NAPEPLD: variants seen among roughly 807,000 people sequenced by gnomAD.
NAPEPLD encodes the protein N-acyl phosphatidylethanolamine phospholipase D.
A neutral mutation model predicts 38.1 loss-of-function variants in NAPEPLD; 23 were observed. The observed-to-expected ratio is 0.60, with a 90% confidence interval of 0.43 to 0.86. NAPEPLD has a LOEUF of 0.86. Ranked by LOEUF, NAPEPLD falls within the 40% of genes least tolerant of loss-of-function variation. NAPEPLD has a pLI of 0.00. For synonymous variants in NAPEPLD, 147 were observed against 162.0 expected (o/e 0.91, Z 0.71); for missense variants, 411 against 476.8 (o/e 0.86, Z 1.28).
chr7:103,140,292 G>A (rs1464232332), intron 1 of NAPEPLD, among the ~76,000 whole-genome samples: 1 of 151,752 alleles, frequency 6.6e-6, no homozygotes, highest in South Asian at 2.1e-4. Context: ...GAAGCTGAGG[G>A]AAATGGTATG....
Position 103,120,024 on chromosome 7 carries a change from A to T in NAPEPLD, c.494T>A (p.Phe165Tyr). ...ACTTATTGTGCACGGGGAACGACGA[A>T]ATCGCTTTGGACCCATGTACTGCGA... ...SPSQYMGPKRFRRSPCTISEL... is the reference protein window; with the variant it reads ...SPSQYMGPKRYRRSPCTISEL... The change falls in exon 3 of 5, where the codon TTT becomes TAT. Residue 165 changes from phenylalanine to tyrosine, a missense_variant. Physicochemically the swap from Phe to Tyr is conservative, Grantham distance 22. Transcript: ENST00000465647. 1 of 1,614,226 alleles carries T rather than the reference A, an allele frequency of 6.2e-7. No homozygotes were observed.
chr7:103,141,372 T>C, intron 1 of NAPEPLD: 1 of 781,770 alleles, frequency 1.3e-6, no homozygotes, highest in South Asian at 1.3e-5. Flanking sequence ...TCTTCCTCCT[T>C]GGACAAAGTC....
intron 4 of NAPEPLD, among the ~76,000 whole-genome samples, chr7:103,105,937 A>C (rs76961823): frequency 6.7e-6 from 1 of 149,826 alleles, no homozygotes; most frequent in Admixed American, 6.6e-5. Context: ...CGTCTCAAAA[A>C]AAAAAAAAAA....
At chr7:103,132,793 A>C (rs1472855222) in intron 1 of NAPEPLD, among the ~76,000 whole-genome samples, 2 of 152,064 alleles carry the variant, frequency 1.3e-5, no homozygotes, top group East Asian at 3.9e-4. Flanking sequence ...TCAAAGAAAG[A>C]AAGAAAGAAA....
upstream of NAPEPLD, chr7:103,149,307 GCCGCCTCAGTT>G (rs1813261448): frequency 1.9e-6 from 2 of 1,080,788 alleles, no homozygotes; most frequent in East Asian, 1.1e-4. Context: ...GGGAGCGCGC[GCCGCCTCAGTT>G]CCGCGGCTTC....
At chr7:103,118,953 A>G (rs1337869782) in intron 3 of NAPEPLD, among the ~76,000 whole-genome samples, 1 of 152,224 alleles carries the variant, frequency 6.6e-6, no homozygotes, top group Non-Finnish European at 1.5e-5. Context: ...TAAAACCCTC[A>G]CCAGGGACTA....
chr7:103,101,321 A>C lies in NAPEPLD; in HGVS notation c.*2108T>G, dbSNP rs1206671803. The C allele has an allele frequency of 6.6e-6, 1 of 152,160 alleles. No individual in the cohort carries two copies. Among genetic ancestry groups the C allele is most frequent in the African/African-American group, 2.4e-5 (1 of 41,422 alleles). 9.4% of individuals were successfully genotyped at this position (152,160 alleles called of 1,614,324 possible). On this transcript the variant is annotated 3_prime_UTR_variant, in exon 5 of 5. Coordinates refer to ENST00000465647, the MANE Select transcript of NAPEPLD (RefSeq NM_001122838.3). ...CCCAAAATCACATATGTTCGCATAC[A>C]TCATATACACACACATTGCATACAC... is the stretch of plus-strand genomic sequence containing the variant.
chr7:103,113,945 C>T (rs1455680310), intron 4 of NAPEPLD, among the ~76,000 whole-genome samples: 1 of 149,702 alleles, frequency 6.7e-6, no homozygotes, highest in Non-Finnish European at 1.5e-5. Context: ...TTTGCCCAGG[C>T]TGGAGTATAG....
At chr7:103,122,271 G>A (rs28439727) in intron 2 of NAPEPLD, among the ~76,000 whole-genome samples, 4,095 of 151,920 alleles carry the variant, frequency 0.027, 205 homozygotes, top group African/African-American at 0.093. Flanking sequence ...ACACACACAC[G>A]TACACATGCA....
In NAPEPLD at chr7:103,103,325, C is replaced by A; in HGVS notation, c.*104G>T. On this transcript the variant is annotated 3_prime_UTR_variant, in exon 5 of 5. Transcript: ENST00000465647. ...AAACATAAACTTGCAGAAGTTGTTT[C>A]CAAATGTAAAATAATCACAATATTC... The A allele has an allele frequency of 7.5e-7, 1 of 1,341,184 alleles. No homozygotes were observed. Among genetic ancestry groups the A allele is most frequent in the South Asian group, 1.6e-5 (1 of 63,072 alleles). 83.1% of individuals were successfully genotyped at this position (1,341,184 alleles called of 1,614,324 possible).
chr7:103,104,105 C>G (rs1197037849), intron 4 of NAPEPLD, among the ~76,000 whole-genome samples: 2 of 152,026 alleles, frequency 1.3e-5, no homozygotes, highest in Admixed American at 1.3e-4. Context: ...AAAGAGGAGT[C>G]AAGATTTTGC....
intron 3 of NAPEPLD, 126 bp from the exon 4 acceptor site, chr7:103,115,300 T>G (rs909530915): frequency 9.1e-6 from 6 of 656,662 alleles, no homozygotes; most frequent in African/African-American, 7.4e-5. Context: ...TAAGAACCAC[T>G]GGGATAAAAC....
chr7:103,116,791 T>G (rs983389313), intron 3 of NAPEPLD, among the ~76,000 whole-genome samples: 1 of 152,224 alleles, frequency 6.6e-6, no homozygotes, highest in Non-Finnish European at 1.5e-5. Context: ...TTGCAGTTCT[T>G]AGAATGCCTT....
intron 4 of NAPEPLD, among the ~76,000 whole-genome samples, chr7:103,109,088 G>T (rs1486031485): frequency 6.6e-6 from 1 of 152,136 alleles, no homozygotes; most frequent in African/African-American, 2.4e-5. Context: ...GATTCATAAA[G>T]CAAGTTCTTA....
intron 1 of NAPEPLD, among the ~76,000 whole-genome samples, chr7:103,146,514 C>G: frequency 6.6e-6 from 1 of 152,098 alleles, no homozygotes; most frequent in Non-Finnish European, 1.5e-5. Flanking sequence ...GGAAGGTGCC[C>G]AAATTAGATA....
chr7:103,118,403 ATATC>A (rs1204953485), intron 3 of NAPEPLD, among the ~76,000 whole-genome samples: 1 of 152,204 alleles, frequency 6.6e-6, no homozygotes, highest in East Asian at 1.9e-4. Context: ...AAGGGTAAAA[ATATC>A]TAGCCCCTCC....
At chr7:103,103,717 C>G (rs1228806803) in intron 4 of NAPEPLD, among the ~76,000 whole-genome samples, 163 bp from the exon 5 acceptor site, 1 of 152,166 alleles carries the variant, frequency 6.6e-6, no homozygotes, top group Non-Finnish European at 1.5e-5. Flanking sequence ...TTTTCTAATA[C>G]AGTTTTGAGT....
At chr7:103,148,264 G>C (rs893757032) in intron 1 of NAPEPLD, among the ~76,000 whole-genome samples, 7 of 151,986 alleles carry the variant, frequency 4.6e-5, no homozygotes, top group African/African-American at 1.7e-4. Context: ...CCAACCAGGT[G>C]AGTCAGTCAT....
chr7:103,122,102 C>CTT (rs576597640), intron 2 of NAPEPLD, among the ~76,000 whole-genome samples: 9 of 141,272 alleles, frequency 6.4e-5, no homozygotes, highest in Admixed American at 7.1e-5. Flanking sequence ...GAGGAAGCAT[C>CTT]TTTTTTTTTT....
Sources: gnomAD v4.1 joint callset for allele counts (sites outside exome capture counted in the v4.1 genomes callset) on GRCh38, gnomAD v4.1.1 for gene constraint, MANE v1.5 for transcripts, NCBI Gene and HGNC (gene_info 2026-07-23, HGNC 2026-07-21) for gene names.